The following STK32B variants were observed in gnomAD, a reference collection of about 807,000 sequenced individuals.
The protein encoded by STK32B is serine/threonine-protein kinase 32B.
Under a neutral mutation model 52.6 loss-of-function variants are expected in STK32B, and 43 were observed. The ratio of observed to expected loss-of-function variants is 0.82; its 90% CI spans 0.64 to 1.05. STK32B has a LOEUF of 1.05. STK32B is among the 50% of genes least tolerant of loss of function. The probability of loss-of-function intolerance (pLI) is 0.00; values close to 1 mark genes in which losing one functional copy is unlikely to be tolerated. For missense variants in STK32B, 621 were observed against 534.6 expected (o/e 1.16, Z -1.59); for synonymous variants, 238 against 204.3 (o/e 1.17, Z -1.41).
At chr4:5,445,895 A>G (rs1715365127) in intron 6 of STK32B, among the ~76,000 whole-genome samples, 1 of 146,916 alleles carries the variant, frequency 6.8e-6, no homozygotes, top group South Asian at 2.3e-4. Flanking sequence ...CATTGTGGGT[A>G]TTTCATGTTA....
At chr4:5,081,410 G>A (rs753791823) in intron 1 of STK32B, among the ~76,000 whole-genome samples, 6 of 152,018 alleles carry the variant, frequency 3.9e-5, no homozygotes, top group Admixed American at 1.3e-4. Context: ...GTATATCTCC[G>A]CATATTTGGA....
At chr4:5,191,230 C>G (rs991723167) in intron 3 of STK32B, among the ~76,000 whole-genome samples, 10 of 151,744 alleles carry the variant, frequency 6.6e-5, no homozygotes, top group Non-Finnish European at 1.5e-4. Flanking sequence ...GTGGACCAGG[C>G]CTCTGCCTTG....
chr4:5,028,225 A>T, the STK32B span, among the ~76,000 whole-genome samples: 1 of 152,152 alleles, frequency 6.6e-6, no homozygotes, highest in Non-Finnish European at 1.5e-5. Flanking sequence ...CCTCAACCTC[A>T]TGGGCTTAAG....
intron 3 of STK32B, among the ~76,000 whole-genome samples, chr4:5,235,258 G>A (rs1724542172): frequency 6.6e-6 from 1 of 152,208 alleles, no homozygotes; most frequent in Non-Finnish European, 1.5e-5. Context: ...CTGCACATGT[G>A]TGCACACAGC....
chr4:5,249,495 CT>C (rs1560259483), intron 3 of STK32B, among the ~76,000 whole-genome samples: 109 of 131,474 alleles, frequency 8.3e-4, no homozygotes, highest in East Asian at 1.2e-3. Context: ...TCCTTCCTTC[CT>C]TCCTTCCTCC....
intron 11 of STK32B, among the ~76,000 whole-genome samples, chr4:5,472,129 C>T (rs1328853122): frequency 1.3e-5 from 2 of 152,222 alleles, no homozygotes; most frequent in Admixed American, 1.3e-4. Context: ...TGTGTCAGCC[C>T]TGCAGGACAA....
At chr4:5,088,559 T>G (rs539703876) in intron 1 of STK32B, among the ~76,000 whole-genome samples, 2 of 152,168 alleles carry the variant, frequency 1.3e-5, no homozygotes, top group East Asian at 3.9e-4. Context: ...TACAATAGGA[T>G]GAGTGCAGTC....
chr4:5,262,563 T>G (rs1360875768), intron 3 of STK32B, among the ~76,000 whole-genome samples: 16 of 149,732 alleles, frequency 1.1e-4, no homozygotes, highest in African/African-American at 1.5e-4. Flanking sequence ...AGATGGAGCT[T>G]GCAGTGAGCA....
chr4:5,161,334 C>G (rs1448209925), intron 2 of STK32B, among the ~76,000 whole-genome samples: 1 of 152,124 alleles, frequency 6.6e-6, no homozygotes, highest in Non-Finnish European at 1.5e-5. Context: ...AAAAACCTGC[C>G]TCATGGTGGC....
At chr4:5,251,143 C>A (rs997982561) in intron 3 of STK32B, among the ~76,000 whole-genome samples, 2 of 152,132 alleles carry the variant, frequency 1.3e-5, no homozygotes, top group Non-Finnish European at 2.9e-5. Context: ...GGCCCAATGT[C>A]TAGAATGCTG....
At chr4:5,271,823 A>G (rs1727452657) in intron 3 of STK32B, among the ~76,000 whole-genome samples, 1 of 138,038 alleles carries the variant, frequency 7.2e-6, no homozygotes, top group Non-Finnish European at 1.5e-5. Flanking sequence ...GTTGGTGTAT[A>G]AGAATGCTTG....
intron 3 of STK32B, among the ~76,000 whole-genome samples, chr4:5,223,409 G>A (rs551169268): frequency 1.3e-5 from 2 of 152,180 alleles, no homozygotes; most frequent in Non-Finnish European, 2.9e-5. Flanking sequence ...CAGCCTGCGA[G>A]AGCTGTAGAC....
intron 1 of STK32B, among the ~76,000 whole-genome samples, chr4:5,069,959 C>A (rs969698309): frequency 6.6e-6 from 1 of 152,112 alleles, no homozygotes; most frequent in African/African-American, 2.4e-5. Context: ...AACCATAGGT[C>A]AATGGCTTCA....
rs138769882 is a variant in STK32B at position 5,269,406 on chromosome 4, A to G, written c.261-61814A>G. Among the ~76,000 whole-genome samples, 3 of 152,332 alleles carry G rather than the reference A, an allele frequency of 2.0e-5. No homozygotes were observed. The East Asian group carries it at 5.8e-4, about 29-fold the overall frequency. ...CAAAAAGCGAGACTTACAAAGATCA[A>G]ACTATTTCCAACTAAATAAACTGCA... is the stretch of plus-strand genomic sequence containing the variant. On this transcript the variant is annotated intron_variant, in intron 3 of 11. Transcript: ENST00000282908.
chr4:5,464,539 T>A (rs999797065), intron 9 of STK32B, among the ~76,000 whole-genome samples: 1 of 152,178 alleles, frequency 6.6e-6, no homozygotes, highest in African/African-American at 2.4e-5. Context: ...CCCAGAACAA[T>A]GGGTGACAAT....
At chr4:5,290,582 G>GT (rs1728836894) in intron 3 of STK32B, among the ~76,000 whole-genome samples, 1 of 152,062 alleles carries the variant, frequency 6.6e-6, no homozygotes, top group African/African-American at 2.4e-5. Flanking sequence ...TACACAGCAC[G>GT]TGACTGCATT....
chr4:5,376,072 C>T (rs28513203), intron 4 of STK32B, among the ~76,000 whole-genome samples: 32,413 of 152,088 alleles, frequency 0.21, 3,760 homozygotes, highest in African/African-American at 0.32. Flanking sequence ...CCAGCACACC[C>T]CATCTTCAGT....
At chr4:5,239,420 A>G (rs1724853802) in intron 3 of STK32B, among the ~76,000 whole-genome samples, 1 of 151,904 alleles carries the variant, frequency 6.6e-6, no homozygotes, top group Non-Finnish European at 1.5e-5. Flanking sequence ...CTACCTGCAG[A>G]CCCCTGCTTG....
At chr4:5,082,137 G>C (rs1033537304) in intron 1 of STK32B, among the ~76,000 whole-genome samples, 1 of 151,872 alleles carries the variant, frequency 6.6e-6, no homozygotes, top group African/African-American at 2.4e-5. Flanking sequence ...TTCTCCCTTG[G>C]AGGGATTTCT....
Sources: allele counts gnomAD v4.1 joint callset (sites outside exome capture counted in the v4.1 genomes callset), GRCh38; gene constraint gnomAD v4.1.1; transcripts MANE v1.5; gene names NCBI Gene and HGNC (gene_info 2026-07-23, HGNC 2026-07-21).